Variants in RASAL2 observed in about 807,000 individuals in gnomAD.
The protein encoded by RASAL2 is ras GTPase-activating protein nGAP.
Under a neutral mutation model 128.9 loss-of-function variants are expected in RASAL2, and 58 were observed. That is an observed-to-expected ratio of 0.45 (90% confidence interval 0.36 to 0.56). The LOEUF (loss-of-function observed/expected upper bound fraction) is 0.56, where lower values mean the gene tolerates loss of function less well. Among genes scored for constraint, RASAL2 ranks in the 20% least tolerant of loss-of-function variants. The pLI is 0.00. For synonymous variants in RASAL2, 561 were observed against 580.8 expected (o/e 0.97, Z 0.49); for missense variants, 1,360 against 1,601.6 (o/e 0.85, Z 2.57).
chr1:178,167,066 A>G (rs1301722540), intron 1 of RASAL2, among the ~76,000 whole-genome samples: 5 of 152,142 alleles, frequency 3.3e-5, no homozygotes, highest in African/African-American at 1.2e-4. Context: ...AAAATTTCCT[A>G]ACTGATAAAT....
intron 1 of RASAL2, among the ~76,000 whole-genome samples, chr1:178,283,225 T>A (rs1370405872): frequency 2.0e-5 from 3 of 152,152 alleles, no homozygotes; most frequent in African/African-American, 7.2e-5. Flanking sequence ...GGAAGGTGTC[T>A]GAGTCACTCT....
At chr1:178,190,348 T>C (rs918428063) in intron 1 of RASAL2, among the ~76,000 whole-genome samples, 1 of 151,840 alleles carries the variant, frequency 6.6e-6, no homozygotes, top group African/African-American at 2.4e-5. Flanking sequence ...CTCTGAACAG[T>C]TAGAGGAAAA....
chr1:178,324,795 T>G (rs1171174185), intron 3 of RASAL2, among the ~76,000 whole-genome samples: 1 of 152,146 alleles, frequency 6.6e-6, no homozygotes, highest in Admixed American at 6.5e-5. Flanking sequence ...TAAGTTTACA[T>G]TTCAAGCAGA....
At chr1:178,145,413 T>C (rs1660698081) in intron 1 of RASAL2, among the ~76,000 whole-genome samples, 1 of 152,032 alleles carries the variant, frequency 6.6e-6, no homozygotes, top group Non-Finnish European at 1.5e-5. Flanking sequence ...TTAAAGTTAA[T>C]TTTGATAGAT....
intron 1 of RASAL2, among the ~76,000 whole-genome samples, chr1:178,274,518 G>A (rs1208143758): frequency 6.6e-6 from 1 of 152,148 alleles, no homozygotes; most frequent in East Asian, 1.9e-4. Context: ...ATGATCTTGA[G>A]TTTTTATCGC....
At chr1:178,343,131 A>G (rs1669970539) in intron 3 of RASAL2, among the ~76,000 whole-genome samples, 1 of 152,234 alleles carries the variant, frequency 6.6e-6, no homozygotes, top group African/African-American at 2.4e-5. Flanking sequence ...CTATAAGCAC[A>G]GTAAAGGGAT....
chr1:178,413,771 G>A (rs1674568480), intron 4 of RASAL2, among the ~76,000 whole-genome samples: 1 of 152,126 alleles, frequency 6.6e-6, no homozygotes, highest in South Asian at 2.1e-4. Flanking sequence ...AAAGCAGATA[G>A]CATGCAAGAA....
At chr1:178,210,480 A>C (rs1663213541) in intron 1 of RASAL2, among the ~76,000 whole-genome samples, 1 of 152,208 alleles carries the variant, frequency 6.6e-6, no homozygotes, top group Non-Finnish European at 1.5e-5. Flanking sequence ...TACAATTTTG[A>C]AATCAAAAAA....
At chr1:178,315,419 G>C (rs1367024803) in intron 3 of RASAL2, among the ~76,000 whole-genome samples, 8 of 142,964 alleles carry the variant, frequency 5.6e-5, no homozygotes, top group Non-Finnish European at 1.2e-4. Context: ...GTGTAAAACT[G>C]TTCCTATTTC....
intron 3 of RASAL2, among the ~76,000 whole-genome samples, chr1:178,345,397 T>C (rs1237251714): frequency 6.6e-6 from 1 of 152,152 alleles, no homozygotes; most frequent in African/African-American, 2.4e-5. Flanking sequence ...GATCAAGTGT[T>C]GCCTAGGATA....
At chr1:178,222,911 T>C (rs1033025741) in intron 1 of RASAL2, among the ~76,000 whole-genome samples, 5 of 152,184 alleles carry the variant, frequency 3.3e-5, no homozygotes, top group Non-Finnish European at 5.9e-5. Flanking sequence ...TTTTCCTTTT[T>C]TAATATTCTG....
At chr1:178,426,997 C>T (rs183375094) in intron 5 of RASAL2, among the ~76,000 whole-genome samples, 10 of 151,962 alleles carry the variant, frequency 6.6e-5, no homozygotes, top group Admixed American at 2.6e-4. Context: ...GGCTCCAAGG[C>T]GGATAGTAGC....
chr1:178,389,632 G>T (rs1404379772), intron 3 of RASAL2, among the ~76,000 whole-genome samples: 1 of 152,152 alleles, frequency 6.6e-6, no homozygotes, highest in Non-Finnish European at 1.5e-5. Context: ...TTTTGTTGCA[G>T]TCTGGTGAAT....
intron 3 of RASAL2, among the ~76,000 whole-genome samples, chr1:178,365,510 C>T (rs1380461442): frequency 6.6e-6 from 1 of 151,652 alleles, no homozygotes. Context: ...GTCTCACTGT[C>T]GCTCAGGCTG....
intron 1 of RASAL2, among the ~76,000 whole-genome samples, chr1:178,133,534 A>G (rs1571522894): frequency 6.7e-6 from 1 of 149,184 alleles, no homozygotes; most frequent in East Asian, 2.0e-4. Flanking sequence ...GGAGTTGGGG[A>G]ATGTGTGGTG....
intron 4 of RASAL2, among the ~76,000 whole-genome samples, chr1:178,393,490 C>G (rs1673036892): frequency 6.6e-6 from 1 of 152,144 alleles, no homozygotes; most frequent in Admixed American, 6.5e-5. Context: ...GGAGGCAGAG[C>G]TCAGGCTGCA....
rs189595782 is a variant in RASAL2, at chr1:178,389,592, T to G, written c.458-508T>G. 3.1e-3 allele frequency among the ~76,000 whole-genome samples: 470 copies of G among 152,328 alleles called. 1 individual carries two copies. The highest frequency in any genetic ancestry group is 4.2e-3 in the Non-Finnish European group (284 of 68,022). ...CATAGGCATATATGTTATTTTATCT[T>G]GGCAGCAGCTTTCAGTCTTCTCATG... On this transcript the variant is annotated intron_variant, in intron 3 of 17. Coordinates refer to ENST00000367649, the MANE Select transcript of RASAL2 (RefSeq NM_170692.4).
At chr1:178,235,502 C>T (rs763557396) in intron 1 of RASAL2, among the ~76,000 whole-genome samples, 3 of 152,068 alleles carry the variant, frequency 2.0e-5, no homozygotes, top group Admixed American at 1.3e-4. Context: ...CAAGGAATTT[C>T]GATTCCAGTA....
At position 178,209,618 on chromosome 1, in the gene RASAL2, G is replaced by A. The variant is rs142813186; in HGVS notation, c.203-73946G>A. ...TGGTTGGGTCTTTTTTAATTCATGG[G>A]CTTTTAGTCTAAAGACTTGTATTTC... is the stretch of plus-strand genomic sequence containing the variant. On this transcript the variant is annotated intron_variant, in intron 1 of 17. Coordinates refer to ENST00000367649, the MANE Select transcript of RASAL2 (RefSeq NM_170692.4). Among the ~76,000 whole-genome samples, 52 of 151,984 alleles carry A rather than the reference G, an allele frequency of 3.4e-4. No homozygotes were observed. The East Asian group carries it at 8.5e-3, about 25-fold the overall frequency.
Sources: gnomAD v4.1 joint callset for allele counts (sites outside exome capture counted in the v4.1 genomes callset) on GRCh38, gnomAD v4.1.1 for gene constraint, MANE v1.5 for transcripts, NCBI Gene and HGNC (gene_info 2026-07-23, HGNC 2026-07-21) for gene names.